WASF1: variants seen among roughly 807,000 people sequenced by gnomAD.
WASF1 encodes the protein actin-binding protein WASF1.
WASF1 carries 7 observed loss-of-function variants against 50.5 expected under a neutral mutation model. That is an observed-to-expected ratio of 0.14 (90% CI 0.08 to 0.26). WASF1 has a LOEUF of 0.26. Among genes scored for constraint, WASF1 ranks in the 10% least tolerant of loss-of-function variants. The probability of loss-of-function intolerance (pLI) is 1.00; values close to 1 mark genes in which losing one functional copy is unlikely to be tolerated. For missense variants in WASF1, 470 were observed against 694.7 expected (o/e 0.68, Z 3.64); for synonymous variants, 205 against 244.0 (o/e 0.84, Z 1.49).
chr6:110,162,634 G>C (rs967473650), intron 2 of WASF1, among the ~76,000 whole-genome samples: 1 of 150,768 alleles, frequency 6.6e-6, no homozygotes, highest in African/African-American at 2.4e-5. Context: ...ATAATTTATC[G>C]TATCAACAGG....
intron 3 of WASF1, among the ~76,000 whole-genome samples, chr6:110,128,135 T>C (rs1774496905): frequency 6.6e-6 from 1 of 152,122 alleles, no homozygotes; most frequent in South Asian, 2.1e-4. Context: ...CCAACTGTAT[T>C]TGCTTGTATG....
chr6:110,140,015 C>A (rs998409109), intron 3 of WASF1, among the ~76,000 whole-genome samples: 2 of 152,090 alleles, frequency 1.3e-5, no homozygotes, highest in African/African-American at 4.8e-5. Flanking sequence ...CTTCTAAATT[C>A]CTTAGAATAT....
At chr6:110,171,147 A>G (rs1014361351) in intron 2 of WASF1, among the ~76,000 whole-genome samples, 8 of 152,170 alleles carry the variant, frequency 5.3e-5, no homozygotes, top group Admixed American at 3.9e-4. Flanking sequence ...TCAAGCTCAC[A>G]TAAGTCATTC....
At position 110,154,249 on chromosome 6, in the gene WASF1, T is replaced by TGGATTA. The variant is rs1323527141; in HGVS notation, c.-29+6385_-29+6386insTAATCC. ...TCTATATACCTAATACAATACAATA[T>TGGATTA]CATATGGATTACAACGATGTGAATG... is the stretch of plus-strand genomic sequence containing the variant. On this transcript the variant is annotated intron_variant, in intron 3 of 10. Transcript: ENST00000392589. 5.9e-5 allele frequency among the ~76,000 whole-genome samples: 9 copies of TGGATTA among 152,230 alleles called. No individual in the cohort carries two copies. In the East Asian group the frequency reaches 1.7e-3, roughly 29 times the overall value.
At chr6:110,107,045 A>G (rs1773353345) in intron 7 of WASF1, 32 bp downstream of exon 7, 1 of 1,488,478 alleles carries the variant, frequency 6.7e-7, no homozygotes, top group Non-Finnish European at 9.2e-7. Flanking sequence ...ATATACAAAA[A>G]TTAACCTCAA....
At chr6:110,177,543 G>A (rs958085816) in intron 2 of WASF1, among the ~76,000 whole-genome samples, 5 of 151,892 alleles carry the variant, frequency 3.3e-5, no homozygotes, top group Non-Finnish European at 5.9e-5. Context: ...TCTTTAAAAG[G>A]ACTACAAAAA....
intron 3 of WASF1, among the ~76,000 whole-genome samples, chr6:110,136,132 C>T (rs1371407674): frequency 6.6e-6 from 1 of 152,034 alleles, no homozygotes; most frequent in African/African-American, 2.4e-5. Context: ...GATCTGCCCG[C>T]CTCAGCCTCC....
At position 110,127,508 on chromosome 6, in the gene WASF1, T is replaced by C. The variant is rs778316695; in HGVS notation, c.94A>G (p.Ile32Val). Residue 32 changes from isoleucine to valine, a missense_variant, in exon 4 of 11, where the codon ATT (isoleucine) becomes GTT (valine). Around this residue, in one of 3 missense-constraint regions of WASF1, gnomAD observed 140 missense variants for 260.5 expected, o/e 0.54. Coordinates refer to ENST00000392589, the MANE Select transcript of WASF1 (RefSeq NM_003931.3). ...IKNELECVTN[I>V]SLANIIRQLS... ...TGTCTAATTATATTTGCCAAGGAAATATTGGTTACACATTCCAGTTCATTC... is the reference window on the plus strand; with the variant it reads ...TGTCTAATTATATTTGCCAAGGAAACATTGGTTACACATTCCAGTTCATTC... The C allele has an allele frequency of 6.2e-7, 1 of 1,603,764 alleles. No homozygotes were observed. The highest frequency in any genetic ancestry group is 2.2e-5 in the East Asian group (1 of 44,494).
chr6:110,160,983 T>A (rs1776240072), intron 2 of WASF1, among the ~76,000 whole-genome samples: 1 of 151,540 alleles, frequency 6.6e-6, no homozygotes, highest in South Asian at 2.1e-4. Flanking sequence ...AATTCTTGCT[T>A]ACCCAGAAGT....
At chr6:110,123,565 T>C (rs1290220363) in intron 4 of WASF1, among the ~76,000 whole-genome samples, 1 of 152,096 alleles carries the variant, frequency 6.6e-6, no homozygotes, top group African/African-American at 2.4e-5. Context: ...ATCTGTAAAA[T>C]AGGAATAAAA....
chr6:110,155,283 G>A (rs73765671), intron 3 of WASF1, among the ~76,000 whole-genome samples: 6,614 of 151,974 alleles, frequency 0.044, 175 homozygotes, highest in African/African-American at 0.068. Context: ...CTTTTTATCG[G>A]CTATAAGCAC....
At chr6:110,117,923 AGC>A (rs1554200675) in intron 4 of WASF1, among the ~76,000 whole-genome samples, 1 of 152,162 alleles carries the variant, frequency 6.6e-6, no homozygotes, top group Non-Finnish European at 1.5e-5. Flanking sequence ...AAGCTTCATA[AGC>A]CAAGGAGAAA....
chr6:110,171,229 T>C (rs1233696023), intron 2 of WASF1, among the ~76,000 whole-genome samples: 6 of 152,134 alleles, frequency 3.9e-5, no homozygotes, highest in Non-Finnish European at 8.8e-5. Context: ...TAATACAGTA[T>C]ATGCTCTCAG....
At chr6:110,155,536 CTTTTTTTTTTTTTTTT>C (rs66645132) in intron 3 of WASF1, among the ~76,000 whole-genome samples, 5 of 45,958 alleles carry the variant, frequency 1.1e-4, no homozygotes, top group Admixed American at 3.7e-4. Context: ...AAAGTGCCTT[CTTTTTTTTTTTTTTTT>C]TTTTTTTTTT....
chr6:110,163,465 G>A (rs190745391), intron 2 of WASF1, among the ~76,000 whole-genome samples: 2 of 151,450 alleles, frequency 1.3e-5, no homozygotes, highest in East Asian at 3.9e-4. Context: ...AGAGTGCTAT[G>A]GGGACTTTTT....
At chr6:110,151,488 C>T (rs111242735) in intron 3 of WASF1, among the ~76,000 whole-genome samples, 1,939 of 152,256 alleles carry the variant, frequency 0.013, 49 homozygotes, top group African/African-American at 0.045. Context: ...ACAATTATTT[C>T]CCACATTCTG....
chr6:110,104,185 C>T (rs189673244), intron 8 of WASF1, among the ~76,000 whole-genome samples: 2 of 152,070 alleles, frequency 1.3e-5, no homozygotes, highest in Non-Finnish European at 2.9e-5. Context: ...ATAACTCGAA[C>T]ATGTTAAGAT....
chr6:110,140,882 GT>G (rs2114551427), intron 3 of WASF1, among the ~76,000 whole-genome samples: 1 of 152,296 alleles, frequency 6.6e-6, no homozygotes, highest in Admixed American at 6.5e-5. Flanking sequence ...AATGTCAACG[GT>G]TGAAAGTCAG....
rs1213718590 is a variant in WASF1, at chr6:110,179,478, G to A, written c.-311C>T. On this transcript the variant is annotated 5_prime_UTR_variant, in exon 1 of 11. Transcript: ENST00000392589. ...GGCTCACGCCTTACCCCTTCTTCATGCTTCGGCAGCGGTCGCCGGTCCCCC... is the reference window on the plus strand; with the variant it reads ...GGCTCACGCCTTACCCCTTCTTCATACTTCGGCAGCGGTCGCCGGTCCCCC... 1 of 152,044 alleles carries A rather than the reference G, an allele frequency of 6.6e-6. No homozygotes were observed. The highest frequency in any genetic ancestry group is 2.4e-5 in the African/African-American group (1 of 41,362). The allele number at this position is 152,044 out of a possible 1,614,324, so 9.4% of individuals were successfully genotyped here. A position where few individuals can be genotyped will look rare whatever the true frequency, so the allele number is the denominator to read the frequency against.
Sources: gnomAD v4.1 joint callset for allele counts (sites outside exome capture counted in the v4.1 genomes callset) on GRCh38, gnomAD v4.1.1 for gene constraint, gnomAD v4.1.1 regional missense constraint, MANE v1.5 for transcripts, NCBI Gene and HGNC (gene_info 2026-07-23, HGNC 2026-07-21) for gene names.